Variants in IFT80 observed in about 807,000 individuals in gnomAD.
The protein encoded by IFT80 is intraflagellar transport protein 80 homolog.
A neutral mutation model predicts 107.9 loss-of-function variants in IFT80; 79 were observed. The observed-to-expected ratio is 0.73, with a 90% CI of 0.61 to 0.88. The LOEUF (loss-of-function observed/expected upper bound fraction) is 0.88. IFT80 is among the 40% of genes least tolerant of loss of function. The probability of loss-of-function intolerance (pLI) is 0.00; values close to 1 mark genes in which losing one functional copy is unlikely to be tolerated. For missense variants in IFT80, 797 were observed against 914.2 expected, an observed-to-expected ratio of 0.87 and a Z score of 1.65; for synonymous variants, 299 against 300.9, an observed-to-expected ratio of 0.99 and a Z score of 0.07.
At chr3:160,268,852 TCCACTAG>T (rs1440832983) in intron 18 of IFT80, 3 of 305,542 alleles carry the variant, frequency 9.8e-6, no homozygotes, top group Non-Finnish European at 1.9e-5. Context: ...GTCTTTTTTC[TCCACTAG>T]CCAATACACT....
chr3:160,281,039 T>C (rs1714650428), intron 14 of IFT80, among the ~76,000 whole-genome samples: 1 of 152,162 alleles, frequency 6.6e-6, no homozygotes, highest in African/African-American at 2.4e-5. Flanking sequence ...TCTGTAAATC[T>C]TTCTTTCAGT....
chr3:160,266,319 G>A (rs934029570), intron 19 of IFT80, among the ~76,000 whole-genome samples: 12 of 149,052 alleles, frequency 8.1e-5, no homozygotes, highest in African/African-American at 3.0e-4. Context: ...TTCATAGTAA[G>A]GACTTTCTTT....
At chr3:160,318,147 T>C (rs917785045) in intron 9 of IFT80, among the ~76,000 whole-genome samples, 2 of 151,750 alleles carry the variant, frequency 1.3e-5, no homozygotes, top group Non-Finnish European at 2.9e-5. Flanking sequence ...GAACTAGTGA[T>C]TACTGGGGCT....
At chr3:160,278,128 GC>G (rs772921423) in intron 16 of IFT80, among the ~76,000 whole-genome samples, 1 of 152,160 alleles carries the variant, frequency 6.6e-6, no homozygotes, top group Admixed American at 6.6e-5. Flanking sequence ...ATGAAAAGCA[GC>G]CCCCAAATCA....
intron 5 of IFT80, among the ~76,000 whole-genome samples, chr3:160,370,272 G>C (rs1722141519): frequency 6.6e-6 from 1 of 152,098 alleles, no homozygotes. Context: ...AAAGTACTTG[G>C]AATAGAGTCT....
At chr3:160,305,110 T>A (rs1355250748) in intron 10 of IFT80, among the ~76,000 whole-genome samples, 1 of 152,160 alleles carries the variant, frequency 6.6e-6, no homozygotes, top group African/African-American at 2.4e-5. Context: ...GAAAAACCCA[T>A]CCTTAAATAA....
At chr3:160,374,686 G>A (rs1711854493) in intron 5 of IFT80, among the ~76,000 whole-genome samples, 1 of 152,178 alleles carries the variant, frequency 6.6e-6, no homozygotes, top group Non-Finnish European at 1.5e-5. Flanking sequence ...AAGTGAGAAT[G>A]TCAAATAATG....
intron 10 of IFT80, among the ~76,000 whole-genome samples, 171 bp from the exon 11 acceptor site, chr3:160,304,160 G>C (rs1416859266): frequency 6.6e-6 from 1 of 152,130 alleles, no homozygotes; most frequent in East Asian, 1.9e-4. Context: ...TTATATGTCT[G>C]TATCCCCAAC....
chr3:160,392,907 C>CA (rs1458334484), intron 1 of IFT80, among the ~76,000 whole-genome samples: 1 of 151,914 alleles, frequency 6.6e-6, no homozygotes, highest in Non-Finnish European at 1.5e-5. Context: ...CCCTTCTTTA[C>CA]AAAAAAATAA....
chr3:160,374,288 A>C (rs1361370360), intron 5 of IFT80, among the ~76,000 whole-genome samples: 1 of 151,758 alleles, frequency 6.6e-6, no homozygotes, highest in African/African-American at 2.4e-5. Context: ...CTACACATGT[A>C]CTCCCAGCAA....
chr3:160,277,198 G>A lies in IFT80; in HGVS notation c.2099+108C>T. On this transcript the variant is annotated intron_variant, in intron 18 of 19. Transcript: ENST00000326448. ...ATGAATATGAATAAATTCTTCTGTGGTGTTAAGAAACTAAAATATAGTGGA... is the reference window on the plus strand; with the variant it reads ...ATGAATATGAATAAATTCTTCTGTGATGTTAAGAAACTAAAATATAGTGGA... 12 of 885,570 alleles carry A rather than the reference G, an allele frequency of 1.4e-5. No homozygotes were observed. In the South Asian group the frequency reaches 1.6e-4, roughly 12 times the overall value. The allele number at this position is 885,570 out of a possible 1,614,324, so 54.9% of individuals were successfully genotyped here. A position where few individuals can be genotyped will look rare whatever the true frequency, so the allele number is the denominator to read the frequency against.
chr3:160,345,914 A>G (rs973861501), intron 8 of IFT80, among the ~76,000 whole-genome samples: 5 of 152,210 alleles, frequency 3.3e-5, no homozygotes, highest in African/African-American at 1.2e-4. Context: ...GGTTTGTAAC[A>G]CAAAGGATAA....
intron 18 of IFT80, among the ~76,000 whole-genome samples, chr3:160,274,934 GAT>G (rs1714130952): frequency 6.6e-6 from 1 of 152,114 alleles, no homozygotes; most frequent in Non-Finnish European, 1.5e-5. Flanking sequence ...AAACCAAAAT[GAT>G]ATATGCAATG....
In IFT80 at chr3:160,257,400, G is replaced by C. The variant is rs1420839999; in HGVS notation, c.*1125C>G. On this transcript the variant is annotated 3_prime_UTR_variant, in exon 20 of 20. Transcript: ENST00000326448. ...ATGGGTTTGCAGAAGACTTTCTAAGGGGTATTTGTTTTATTGTTTAAAAGA... is the reference window on the plus strand; with the variant it reads ...ATGGGTTTGCAGAAGACTTTCTAAGCGGTATTTGTTTTATTGTTTAAAAGA... The C allele has an allele frequency of 6.6e-6, 1 of 151,778 alleles. No homozygotes were observed. Among genetic ancestry groups the C allele is most frequent in the East Asian group, 1.9e-4 (1 of 5,180 alleles). The allele number at this position is 151,778 out of a possible 1,614,324, so 9.4% of individuals were successfully genotyped here.
At chr3:160,360,385 G>A (rs1721405493) in intron 6 of IFT80, among the ~76,000 whole-genome samples, 1 of 152,206 alleles carries the variant, frequency 6.6e-6, no homozygotes, top group Non-Finnish European at 1.5e-5. Flanking sequence ...TTTGATTGGT[G>A]TACCTGAAAG....
At chr3:160,306,112 C>T (rs1232484007) in intron 10 of IFT80, among the ~76,000 whole-genome samples, 1 of 151,984 alleles carries the variant, frequency 6.6e-6, no homozygotes, top group Non-Finnish European at 1.5e-5. Context: ...AATATGTGTA[C>T]CTTAATAATC....
At chr3:160,397,154 T>C (rs1393935393) in intron 1 of IFT80, among the ~76,000 whole-genome samples, 5 of 151,744 alleles carry the variant, frequency 3.3e-5, no homozygotes, top group Admixed American at 3.3e-4. Context: ...ACAAAAGCTA[T>C]AGATTTTTAC....
intron 8 of IFT80, among the ~76,000 whole-genome samples, chr3:160,353,255 C>G (rs912488371): frequency 6.6e-6 from 1 of 152,132 alleles, no homozygotes; most frequent in Non-Finnish European, 1.5e-5. Context: ...ACTCAATTGC[C>G]AACCTCACTG....
chr3:160,387,453 G>C (rs113773657), intron 1 of IFT80, among the ~76,000 whole-genome samples: 22,805 of 152,148 alleles, frequency 0.15, 2,174 homozygotes, highest in Non-Finnish European at 0.21. Context: ...GCAGTGAGCC[G>C]AGATCACGCT....
Sources: gnomAD v4.1 joint callset for allele counts (sites outside exome capture counted in the v4.1 genomes callset) on GRCh38, gnomAD v4.1.1 for gene constraint, MANE v1.5 for transcripts, NCBI Gene and HGNC (gene_info 2026-07-23, HGNC 2026-07-21) for gene names.